The following GRID2IP variants were observed in gnomAD, a reference collection of about 807,000 sequenced individuals.
GRID2IP encodes the protein Grid2 interacting protein.
GRID2IP carries 78 observed loss-of-function variants against 114.3 expected under a neutral mutation model. The ratio of observed to expected loss-of-function variants is 0.68; its 90% confidence interval spans 0.57 to 0.82. The LOEUF (loss-of-function observed/expected upper bound fraction) is 0.82. GRID2IP is among the 40% of genes least tolerant of loss of function. GRID2IP has a pLI of 0.00. For synonymous variants in GRID2IP, 809 were observed against 724.0 expected, an observed-to-expected ratio of 1.12 and a Z score of -1.89; for missense variants, 1,727 against 1,678.5, an observed-to-expected ratio of 1.03 and a Z score of -0.51.
chr7:6,513,994 C>T (rs1432075597), intron 8 of GRID2IP, among the ~76,000 whole-genome samples: 1 of 149,820 alleles, frequency 6.7e-6, no homozygotes, highest in Admixed American at 6.7e-5. Flanking sequence ...TGGCTCACAC[C>T]TGTAATCCCA....
intron 19 of GRID2IP, 28 bp from the exon 20 acceptor site, chr7:6,501,927 G>A (rs970499154): frequency 7.7e-6 from 12 of 1,550,238 alleles, no homozygotes; most frequent in African/African-American, 1.4e-5. Context: ...GGGGCTGCAT[G>A]GGGCCACTCT....
intron 4 of GRID2IP, among the ~76,000 whole-genome samples, 175 bp from the exon 5 acceptor site, chr7:6,522,132 T>C (rs1779424925): frequency 6.6e-6 from 1 of 152,092 alleles, no homozygotes; most frequent in Non-Finnish European, 1.5e-5. Flanking sequence ...GGAGGATCGC[T>C]TGAGCCCAGG....
At position 6,504,210 on chromosome 7, in the gene GRID2IP, C is replaced by G. The variant is rs115114794; in HGVS notation, c.2711-523G>C. Among the ~76,000 whole-genome samples the G allele has an allele frequency of 1.1e-3, 157 of 147,400 alleles. 1 individual carries two copies. Among genetic ancestry groups the G allele is most frequent in the Non-Finnish European group, 1.7e-3 (114 of 66,988 alleles). ...GGCGGGGCTTTGGGATTGGCCGGGG[C>G]TACTGTGAGGAGCCTGGCGGGTAGG... On this transcript the variant is annotated intron_variant, in intron 15 of 21. Coordinates refer to ENST00000457091, the MANE Select transcript of GRID2IP (RefSeq NM_001145118.2).
intron 2 of GRID2IP, chr7:6,531,300 T>G (rs1779618735): frequency 2.5e-6 from 1 of 394,368 alleles, no homozygotes; most frequent in Non-Finnish European, 4.4e-6. Context: ...GCCTCTGCCC[T>G]GCTGGGACCC....
chr7:6,543,391 G>A (rs1254744250), intron 1 of GRID2IP, among the ~76,000 whole-genome samples: 1 of 143,708 alleles, frequency 7.0e-6, no homozygotes, highest in African/African-American at 2.6e-5. Context: ...GCGAGGCTCT[G>A]TCTCAAAAAA....
Position 6,521,208 on chromosome 7 carries a change from C to A in GRID2IP, c.1084+221G>T, listed in dbSNP as rs1377202749. 6.6e-6 allele frequency among the ~76,000 whole-genome samples: 1 copy of A among 152,078 alleles called. No homozygotes were observed. The highest frequency in any genetic ancestry group is 2.4e-5 in the African/African-American group (1 of 41,422). On this transcript the variant is annotated intron_variant, in intron 6 of 21. Transcript: ENST00000457091. This position sits in a 1 kb window ranked among gnomAD's most constrained non-coding sequence, Gnocchi z 4.1. ...CTGGTCTCAAACTCCTGGCCTCAAG[C>A]GATCCTCCCACCTTGGCCTCCCAAA...
intron 7 of GRID2IP, among the ~76,000 whole-genome samples, chr7:6,517,200 G>A (rs1328061302): frequency 2.0e-5 from 3 of 151,398 alleles, no homozygotes; most frequent in South Asian, 2.1e-4. Context: ...GACTACAGGC[G>A]CCTGCCACCA....
chr7:6,540,465 TG>T (rs1230862122), intron 1 of GRID2IP, among the ~76,000 whole-genome samples: 1 of 151,896 alleles, frequency 6.6e-6, no homozygotes, highest in African/African-American at 2.4e-5. Context: ...CCTGGTCGCA[TG>T]GTTAGTATCT....
rs749621928 is a variant in GRID2IP at position 6,509,288 on chromosome 7, T to A, written c.1797A>T (p.Ser599=). 6.6e-6 allele frequency: 10 copies of A among 1,525,236 alleles called. No individual in the cohort carries two copies. The highest frequency in any genetic ancestry group is 7.9e-6 in the Non-Finnish European group (9 of 1,133,930). The allele number at this position is 1,525,236 out of a possible 1,614,324, so 94.5% of individuals were successfully genotyped here. Residue 599 remains serine, a synonymous_variant, in exon 12 of 22, where the codon TCA becomes TCT. Coordinates refer to ENST00000457091, the MANE Select transcript of GRID2IP (RefSeq NM_001145118.2). This position sits in a 1 kb window ranked among gnomAD's most constrained non-coding sequence, Gnocchi z 4.9. The part of the protein sequence containing the change: ...TTGPRTLSGV[S]WPSERLLPSP... ...AGGGCAAGAGTCGCTCGCTGGGCCA[T>A]GAGACGCCGGACAGGGTCCTGGGCC... is the stretch of plus-strand genomic sequence containing the variant.
chr7:6,526,097 T>C lies in GRID2IP; in HGVS notation c.919+127A>G, dbSNP rs916362502. ...GGGGACACGGTCTACACAAGGATGG[T>C]ACCTGACGTGGAGGGGTTGCTGAGC... On this transcript the variant is annotated intron_variant, in intron 4 of 21. Transcript: ENST00000457091. The surrounding 1 kb of genome is among the most constrained non-coding windows in gnomAD (Gnocchi z 7.6). 1.4e-6 allele frequency: 1 copy of C among 706,206 alleles called. No homozygotes were observed. The highest frequency in any genetic ancestry group is 2.1e-5 in the Admixed American group (1 of 47,062). 43.7% of individuals were successfully genotyped at this position (706,206 alleles called of 1,614,324 possible).
chr7:6,530,662 G>A (rs1161359022), intron 2 of GRID2IP, among the ~76,000 whole-genome samples: 1 of 152,192 alleles, frequency 6.6e-6, no homozygotes, highest in Non-Finnish European at 1.5e-5. Flanking sequence ...AGTATAGGGA[G>A]CACGGCAGTG....
chr7:6,500,277 CAT>C (rs1241243586), intron 20 of GRID2IP, among the ~76,000 whole-genome samples: 1 of 151,976 alleles, frequency 6.6e-6, no homozygotes, highest in Non-Finnish European at 1.5e-5. Flanking sequence ...GCCTGACTAA[CAT>C]AGTGAAACCC....
At chr7:6,502,270 G>A (rs1583331657) in intron 18 of GRID2IP, among the ~76,000 whole-genome samples, 152 bp from the exon 19 acceptor site, 1 of 152,030 alleles carries the variant, frequency 6.6e-6, no homozygotes, top group African/African-American at 2.4e-5. Flanking sequence ...TGTTGCCCAG[G>A]CTGGAGTGCA....
At position 6,510,608 on chromosome 7, in the gene GRID2IP, C is replaced by A; in HGVS notation, c.1653+1G>T. 1 of 1,533,466 alleles carries A rather than the reference C, an allele frequency of 6.5e-7. No homozygotes were observed. The highest frequency in any genetic ancestry group is 8.8e-7 in the Non-Finnish European group (1 of 1,140,352). The allele number at this position is 1,533,466 out of a possible 1,614,324, so 95.0% of individuals were successfully genotyped here. A position where few individuals can be genotyped will look rare whatever the true frequency, so the allele number is the denominator to read the frequency against. On this transcript the variant is annotated splice_donor_variant, in intron 10 of 21. Transcript: ENST00000457091. LOFTEE classifies it high-confidence loss of function. ...CACGTGGAGGGCAGAGAAGGTCTCA[C>A]CATCTTGGGGTTGGGGGTCTCAGGG...
intron 20 of GRID2IP, 139 bp from the exon 21 acceptor site, chr7:6,498,367 G>A (rs1485105404): frequency 2.6e-6 from 2 of 758,740 alleles, no homozygotes; most frequent in East Asian, 2.8e-5. Flanking sequence ...GTGTCCAACA[G>A]GGAACCAGGC....
Position 6,508,263 on chromosome 7 carries a change from G to A in GRID2IP, c.2266C>T (p.Pro756Ser), listed in dbSNP as rs1348224083. The A allele has an allele frequency of 8.5e-6, 13 of 1,537,726 alleles. No individual in the cohort carries two copies. Among genetic ancestry groups the A allele is most frequent in the Non-Finnish European group, 1.1e-5 (13 of 1,140,914 alleles). The change falls in exon 13 of 22, where the codon CCC becomes TCC. Residue 756 changes from proline (P) to serine (S), a missense_variant. Physicochemically the swap from Pro to Ser is moderately conservative, Grantham distance 74 (BLOSUM62 -1). Coordinates refer to ENST00000457091, the MANE Select transcript of GRID2IP (RefSeq NM_001145118.2). This position sits in a 1 kb window ranked among gnomAD's most constrained non-coding sequence, Gnocchi z 5.6. ...AAAGGCAGGGGTGGCGGTGGTGGGG[G>A]GCTGAGCGGGGGTGGGGGGATGTGG... ...SDHIPPPPLS[P>S]PPPPPLPFHD...
Position 6,545,774 on chromosome 7 carries a change from C to G in GRID2IP, c.429+5234G>C, listed in dbSNP as rs573007463. 2.0e-5 allele frequency among the ~76,000 whole-genome samples: 3 copies of G among 152,294 alleles called. No individual in the cohort carries two copies. The South Asian group carries it at 6.2e-4, about 32-fold the overall frequency. On this transcript the variant is annotated intron_variant, in intron 1 of 21. Transcript: ENST00000457091. ...TGAATCAAAAAGCAGCCTTGCATTG[C>G]ACTTCCTGCAGGCCCCAGCTCACCA... is the stretch of plus-strand genomic sequence containing the variant.
At chr7:6,505,979 T>TATGGCGGCC in intron 13 of GRID2IP, 72 bp from the exon 14 acceptor site, 1 of 1,065,760 alleles carries the variant, frequency 9.4e-7, no homozygotes, top group Non-Finnish European at 1.4e-6. Context: ...CTTCCCACCC[T>TATGGCGGCC]CTGAGGGCTG....
Position 6,506,417 on chromosome 7 carries a change from C to T in GRID2IP, c.2545-510G>A, listed in dbSNP as rs901837449. 6.6e-6 allele frequency among the ~76,000 whole-genome samples: 1 copy of T among 152,100 alleles called. No homozygotes were observed. Among genetic ancestry groups the T allele is most frequent in the Non-Finnish European group, 1.5e-5 (1 of 68,030 alleles). On this transcript the variant is annotated intron_variant, in intron 13 of 21. Coordinates refer to ENST00000457091, the MANE Select transcript of GRID2IP (RefSeq NM_001145118.2). The surrounding 1 kb of genome is among the most constrained non-coding windows in gnomAD (Gnocchi z 5.2). ...CAGCCTGGGGCTGGGGCAGGGAGTGCGGACGGGGTGGCTGCCAAAGGGAGA... is the reference window on the plus strand; with the variant it reads ...CAGCCTGGGGCTGGGGCAGGGAGTGTGGACGGGGTGGCTGCCAAAGGGAGA...
Sources: allele counts gnomAD v4.1 joint callset (sites outside exome capture counted in the v4.1 genomes callset), GRCh38; gene constraint gnomAD v4.1.1; non-coding constraint Gnocchi (gnomAD v3.1); transcripts MANE v1.5; gene names NCBI Gene and HGNC (gene_info 2026-07-23, HGNC 2026-07-21).